Variants in SCML2 observed in about 807,000 individuals in gnomAD.
SCML2 encodes sex comb on midleg-like protein 2.
In SCML2, 6 loss-of-function variants were observed where a neutral mutation model predicts 48.4. The ratio of observed to expected loss-of-function variants is 0.12; its 90% CI spans 0.07 to 0.24. SCML2 has a LOEUF of 0.24. Ranked by LOEUF, SCML2 falls within the 10% of genes least tolerant of loss-of-function variation. The pLI, the probability that SCML2 is intolerant of heterozygous loss-of-function variation, is 1.00. For synonymous variants in SCML2, 181 were observed against 189.5 expected (o/e 0.95, Z 0.37); for missense variants, 377 against 528.2 (o/e 0.71, Z 2.81).
intron 1 of SCML2, chrX:18,341,314 C>A: frequency 2.2e-6 from 1 of 458,977 alleles, no homozygotes; most frequent in East Asian, 7.2e-5. Context: ...CCAAAGAGGC[C>A]ATTGAGCAGG....
At chrX:18,308,998 C>T (rs1230148761) in intron 6 of SCML2, among the ~76,000 whole-genome samples, 1 of 110,551 alleles carries the variant, frequency 9.0e-6, no homozygotes, top group Non-Finnish European at 1.9e-5. Context: ...ATCCTGAGGT[C>T]AGGAGTTCAA....
chrX:18,351,282 A>G (rs1021086435), intron 1 of SCML2, among the ~76,000 whole-genome samples: 5 of 110,391 alleles, frequency 4.5e-5, no homozygotes, highest in African/African-American at 1.6e-4. Context: ...AAAAAAAAAA[A>G]CATCACCAAC....
intron 7 of SCML2, among the ~76,000 whole-genome samples, chrX:18,292,636 T>A (rs933834604): frequency 4.5e-5 from 5 of 110,376 alleles, no homozygotes; most frequent in African/African-American, 6.6e-5. Context: ...TTGTTTTTTT[T>A]AAAAAAAAGC....
intron 9 of SCML2, among the ~76,000 whole-genome samples, chrX:18,259,558 A>G (rs1926983672): frequency 8.9e-6 from 1 of 111,881 alleles, no homozygotes; most frequent in South Asian, 3.7e-4. Flanking sequence ...ATTCTACTGA[A>G]CACAAGCGAA....
At chrX:18,263,077 A>C (rs1349153684) in intron 8 of SCML2, among the ~76,000 whole-genome samples, 1 of 111,267 alleles carries the variant, frequency 9.0e-6, no homozygotes, top group African/African-American at 3.3e-5. Context: ...ATATATTTGA[A>C]TATTCAAATA....
intron 13 of SCML2, among the ~76,000 whole-genome samples, chrX:18,242,945 CTTACT>C (rs773899443): frequency 1.2e-4 from 13 of 112,624 alleles, no homozygotes; most frequent in African/African-American, 3.2e-4. Context: ...TGACTTCTCT[CTTACT>C]TTAAGTCTTT....
intron 1 of SCML2, among the ~76,000 whole-genome samples, chrX:18,340,288 C>T (rs1329940883): frequency 1.8e-5 from 2 of 111,489 alleles, no homozygotes; most frequent in Non-Finnish European, 3.8e-5. Flanking sequence ...GTGGCACACA[C>T]CTGCACTCCC....
chrX:18,299,708 G>A (rs1928518572), intron 7 of SCML2, among the ~76,000 whole-genome samples: 1 of 108,548 alleles, frequency 9.2e-6, no homozygotes, highest in Admixed American at 9.8e-5. Context: ...AAAAGATGCT[G>A]GCTAGGATGC....
chrX:18,314,675 A>G (rs182380780), intron 6 of SCML2, among the ~76,000 whole-genome samples: 17 of 112,161 alleles, frequency 1.5e-4, no homozygotes, highest in Non-Finnish European at 2.3e-4. Context: ...TAATATAGGC[A>G]CTGACAATAC....
intron 1 of SCML2, among the ~76,000 whole-genome samples, chrX:18,338,025 G>A (rs765837770): frequency 1.7e-4 from 19 of 112,254 alleles, no homozygotes; most frequent in South Asian, 7.3e-4. Context: ...GGTCAAAGAA[G>A]AAAGCTCAAG....
intron 6 of SCML2, among the ~76,000 whole-genome samples, chrX:18,308,034 C>T (rs759438089): frequency 7.7e-5 from 8 of 103,405 alleles, no homozygotes; most frequent in Admixed American, 1.1e-4. Flanking sequence ...GCGGAGGTTG[C>T]GGTGAGCCAA....
Position 18,246,834 on chromosome X carries a change from G to A in SCML2, c.1571-6C>T. ...CCCAGCAAACAATGGTTCTCCTACAGGGAAAAAGACAAAGGAGGCTATCTT... is the reference window on the plus strand; with the variant it reads ...CCCAGCAAACAATGGTTCTCCTACAAGGAAAAAGACAAAGGAGGCTATCTT... On this transcript the variant is annotated splice_polypyrimidine_tract_variant and splice_region_variant and intron_variant, in intron 12 of 14. Coordinates refer to ENST00000251900, the MANE Select transcript of SCML2 (RefSeq NM_006089.3). 1 of 1,186,650 alleles carries A rather than the reference G, an allele frequency of 8.4e-7. No homozygotes were observed. The highest frequency in any genetic ancestry group is 1.1e-6 in the Non-Finnish European group (1 of 883,857).
chrX:18,328,319 G>C (rs898815747), intron 3 of SCML2, among the ~76,000 whole-genome samples: 1 of 111,304 alleles, frequency 9.0e-6, no homozygotes, highest in South Asian at 3.7e-4. Context: ...CTAATTCACA[G>C]CATTTATCAC....
At chrX:18,276,917 T>C (rs750067114) in intron 7 of SCML2, among the ~76,000 whole-genome samples, 1 of 111,151 alleles carries the variant, frequency 9.0e-6, no homozygotes, top group Non-Finnish European at 1.9e-5. Context: ...GAGGTGATGG[T>C]TGCACAACAT....
Position 18,324,887 on chromosome X carries a change from G to C in SCML2, c.162+20C>G. ...AGTTAATAGTTTACATTAACTAACAGCTACAGAATCTTGGCATACCTGACG... is the reference window on the plus strand; with the variant it reads ...AGTTAATAGTTTACATTAACTAACACCTACAGAATCTTGGCATACCTGACG... On this transcript the variant is annotated intron_variant, in intron 4 of 14. Transcript: ENST00000251900. 1 of 1,134,850 alleles carries C rather than the reference G, an allele frequency of 8.8e-7. No homozygotes were observed. Among genetic ancestry groups the C allele is most frequent in the South Asian group, 1.9e-5 (1 of 53,401 alleles). The allele number at this position is 1,134,850 out of a possible 1,213,427, so 93.5% of individuals were successfully genotyped here.
Position 18,246,793 on chromosome X carries a change from T to C in SCML2, c.1606A>G (p.Lys536Glu), listed in dbSNP as rs1926462613. ...GAATCTTCTGAAAGATTCTCCTCTT[T>C]GGGAATGGCACTTCCCCCAGCAAAC... ...PLFAGGSAIPKEENLSEDSKS... is the reference protein window; with the variant it reads ...PLFAGGSAIPEEENLSEDSKS... The change falls in exon 13 of 15, where the codon AAA becomes GAA. Residue 536 changes from lysine to glutamate, a missense_variant. By Grantham distance (56) the Lys-to-Glu change is moderately conservative (BLOSUM62 1). Transcript: ENST00000251900. The C allele has an allele frequency of 8.3e-7, 1 of 1,205,059 alleles. No homozygotes were observed. Among genetic ancestry groups the C allele is most frequent in the Non-Finnish European group, 1.1e-6 (1 of 892,237 alleles).
intron 7 of SCML2, among the ~76,000 whole-genome samples, chrX:18,277,723 G>A (rs1314003750): frequency 1.8e-5 from 2 of 111,200 alleles, no homozygotes; most frequent in South Asian, 3.8e-4. Flanking sequence ...TGTTTTTCAC[G>A]TTCAAATTTG....
intron 5 of SCML2, among the ~76,000 whole-genome samples, chrX:18,321,089 T>C (rs1005110275): frequency 2.7e-5 from 3 of 111,575 alleles, no homozygotes; most frequent in Non-Finnish European, 3.8e-5. Flanking sequence ...TGGTAGAAAC[T>C]AGAAACTGGA....
chrX:18,307,473 G>A (rs1485252062), intron 6 of SCML2, among the ~76,000 whole-genome samples: 1 of 111,425 alleles, frequency 9.0e-6, no homozygotes, highest in African/African-American at 3.3e-5. Flanking sequence ...GAATAAACAC[G>A]GCAGTTGACA....
Sources: gnomAD v4.1 joint callset for allele counts (sites outside exome capture counted in the v4.1 genomes callset) on GRCh38, gnomAD v4.1.1 for gene constraint, MANE v1.5 for transcripts, NCBI Gene and HGNC (gene_info 2026-07-23, HGNC 2026-07-21) for gene names.